Variants in ERC2 observed in about 807,000 individuals in gnomAD.
The protein encoded by ERC2 is ERC protein 2.
In ERC2, 42 loss-of-function variants were observed where a neutral mutation model predicts 114.8. The observed-to-expected ratio is 0.37, with a 90% confidence interval of 0.29 to 0.47. The LOEUF is 0.47. Ranked by LOEUF, ERC2 falls within the 20% of genes least tolerant of loss-of-function variation. The pLI is 0.99. For missense variants in ERC2, 939 were observed against 1,150.7 expected (o/e 0.82, Z 2.66); for synonymous variants, 454 against 425.5 (o/e 1.07, Z -0.82).
intron 14 of ERC2, among the ~76,000 whole-genome samples, chr3:55,752,404 G>A (rs1031200531): frequency 1.3e-5 from 2 of 152,188 alleles, no homozygotes; most frequent in African/African-American, 2.4e-5. Flanking sequence ...GTATTTACAC[G>A]ATGGAAATTG....
intron 14 of ERC2, among the ~76,000 whole-genome samples, chr3:55,744,251 A>C (rs1351312692): frequency 6.6e-6 from 1 of 152,130 alleles, no homozygotes; most frequent in Non-Finnish European, 1.5e-5. Context: ...AAAAATACAA[A>C]AAATTAGCTG....
intron 13 of ERC2, among the ~76,000 whole-genome samples, chr3:55,945,580 T>C (rs1447363553): frequency 6.6e-6 from 1 of 152,230 alleles, no homozygotes; most frequent in African/African-American, 2.4e-5. Context: ...ATGTTGTTTG[T>C]TACACTTCCT....
chr3:55,789,020 T>A (rs1160481427), intron 14 of ERC2, among the ~76,000 whole-genome samples: 2 of 152,180 alleles, frequency 1.3e-5, no homozygotes, highest in African/African-American at 4.8e-5. Context: ...TCAGACTTTA[T>A]GGGATCAAAT....
intron 2 of ERC2, among the ~76,000 whole-genome samples, chr3:56,365,803 C>CA (rs2059128303): frequency 1.3e-5 from 2 of 152,232 alleles, no homozygotes. Context: ...GTCTAGCCTG[C>CA]AAAGCCTAAA....
At chr3:56,429,634 G>A (rs1467010226) in intron 2 of ERC2, among the ~76,000 whole-genome samples, 1 of 152,212 alleles carries the variant, frequency 6.6e-6, no homozygotes, top group Non-Finnish European at 1.5e-5. Flanking sequence ...AAATTTCAGT[G>A]CTGCAACTCT....
intron 14 of ERC2, among the ~76,000 whole-genome samples, chr3:55,880,388 T>A (rs1190157392): frequency 1.3e-5 from 2 of 152,208 alleles, no homozygotes; most frequent in Non-Finnish European, 2.9e-5. Flanking sequence ...TCAGCATAGT[T>A]TTTTTGTTGT....
intron 17 of ERC2, among the ~76,000 whole-genome samples, chr3:55,561,536 C>T (rs1419785359): frequency 7.2e-5 from 11 of 152,212 alleles, no homozygotes; most frequent in African/African-American, 2.4e-4. Context: ...CACTGGTCTT[C>T]ACAGTTTGTA....
intron 15 of ERC2, among the ~76,000 whole-genome samples, chr3:55,719,687 C>T (rs2064336380): frequency 6.6e-6 from 1 of 151,990 alleles, no homozygotes; most frequent in Non-Finnish European, 1.5e-5. Flanking sequence ...AAAATAAACC[C>T]CCAGAGATTG....
chr3:55,920,952 T>TGG (rs1199907814), intron 13 of ERC2, among the ~76,000 whole-genome samples: 1 of 152,062 alleles, frequency 6.6e-6, no homozygotes, highest in Non-Finnish European at 1.5e-5. Context: ...GTGATGACAC[T>TGG]GGGCTTCAAA....
chr3:55,733,536 T>TCACACA (rs1388408863), intron 15 of ERC2, among the ~76,000 whole-genome samples: 22 of 68,632 alleles, frequency 3.2e-4, no homozygotes, highest in African/African-American at 7.6e-4. Context: ...ATTCTTTCTC[T>TCACACA]CTCTCTCACA....
chr3:55,756,072 T>C (rs116534360), intron 14 of ERC2, among the ~76,000 whole-genome samples: 2,796 of 151,976 alleles, frequency 0.018, 46 homozygotes, highest in Non-Finnish European at 0.026. Context: ...AGCTGAAAAA[T>C]ACGTCAGGCA....
chr3:56,196,615 A>G (rs564519174), intron 3 of ERC2, among the ~76,000 whole-genome samples: 2 of 152,262 alleles, frequency 1.3e-5, no homozygotes, highest in South Asian at 4.1e-4. Context: ...ACAAAGACAC[A>G]AATAGATTTT....
chr3:56,334,167 C>G (rs919403848), intron 2 of ERC2, among the ~76,000 whole-genome samples: 1 of 152,334 alleles, frequency 6.6e-6, no homozygotes, highest in South Asian at 2.1e-4. Context: ...AACTCTTCCC[C>G]CAAATCCCTT....
At chr3:56,156,553 T>A (rs1282977233) in intron 4 of ERC2, among the ~76,000 whole-genome samples, 2 of 151,866 alleles carry the variant, frequency 1.3e-5, no homozygotes, top group African/African-American at 4.8e-5. Context: ...AGGGGTGGAG[T>A]TGGGTGCAGG....
intron 17 of ERC2, among the ~76,000 whole-genome samples, chr3:55,617,909 C>T (rs1051314889): frequency 6.6e-6 from 1 of 152,110 alleles, no homozygotes; most frequent in Non-Finnish European, 1.5e-5. Context: ...TTGACCAAGG[C>T]CTAGAAATCT....
At chr3:55,562,952 GT>G (rs1315505124) in intron 17 of ERC2, among the ~76,000 whole-genome samples, 7 of 152,150 alleles carry the variant, frequency 4.6e-5, no homozygotes, top group African/African-American at 1.4e-4. Context: ...CTGTAGTCCA[GT>G]TTGGCAGAAA....
At chr3:56,211,594 A>G (rs1176140717) in intron 3 of ERC2, among the ~76,000 whole-genome samples, 1 of 152,186 alleles carries the variant, frequency 6.6e-6, no homozygotes, top group Non-Finnish European at 1.5e-5. Flanking sequence ...AAGTAGAAAA[A>G]AAAAATCCTA....
intron 3 of ERC2, among the ~76,000 whole-genome samples, chr3:56,265,637 A>G (rs1032756817): frequency 1.3e-5 from 2 of 152,218 alleles, no homozygotes; most frequent in African/African-American, 4.8e-5. Flanking sequence ...CTGCATAGCA[A>G]AGGAAACAAC....
intron 17 of ERC2, among the ~76,000 whole-genome samples, chr3:55,559,984 G>GCAAGGAGCCGTTAT (rs1464851526): frequency 6.6e-6 from 1 of 152,200 alleles, no homozygotes; most frequent in Non-Finnish European, 1.5e-5. Flanking sequence ...CAAGGTGGGA[G>GCAAGGAGCCGTTAT]CAAGGAGCCG....
Sources: allele counts gnomAD v4.1 joint callset (sites outside exome capture counted in the v4.1 genomes callset), GRCh38; gene constraint gnomAD v4.1.1; transcripts MANE v1.5; gene names NCBI Gene and HGNC (gene_info 2026-07-23, HGNC 2026-07-21).